Variants in ROBO1 observed in about 807,000 individuals in gnomAD.
The protein encoded by ROBO1 is roundabout homolog 1.
In ROBO1, 149 loss-of-function variants were observed where a neutral mutation model predicts 195.9. The observed-to-expected ratio is 0.76, with a 90% CI of 0.67 to 0.87. The LOEUF (loss-of-function observed/expected upper bound fraction) is 0.87. ROBO1 is among the 40% of genes least tolerant of loss of function. The pLI is 0.00. For synonymous variants in ROBO1, 816 were observed against 733.2 expected (o/e 1.11, Z -1.82); for missense variants, 1,933 against 2,068.3 (o/e 0.93, Z 1.27).
chr3:78,982,670 C>T (rs1324406165), intron 3 of ROBO1, among the ~76,000 whole-genome samples: 1 of 151,968 alleles, frequency 6.6e-6, no homozygotes, highest in Non-Finnish European at 1.5e-5. Context: ...ACTCTGTTGC[C>T]CAGGCTGGAG....
chr3:79,306,782 A>G (rs1014782761), intron 2 of ROBO1, among the ~76,000 whole-genome samples: 1 of 152,220 alleles, frequency 6.6e-6, no homozygotes, highest in African/African-American at 2.4e-5. Context: ...ACTAAAACCT[A>G]TTCAAGAGTA....
chr3:79,455,385 G>A (rs1241884073), intron 2 of ROBO1, among the ~76,000 whole-genome samples: 1 of 151,918 alleles, frequency 6.6e-6, no homozygotes, highest in South Asian at 2.1e-4. Flanking sequence ...CAAGAAATTT[G>A]CCTTTTTTTA....
chr3:78,678,759 G>A (rs1708599959), intron 10 of ROBO1, among the ~76,000 whole-genome samples: 1 of 152,164 alleles, frequency 6.6e-6, no homozygotes, highest in African/African-American at 2.4e-5. Flanking sequence ...AGGACGAACT[G>A]ATACCATTCC....
chr3:79,129,737 C>T (rs755108956), intron 2 of ROBO1, among the ~76,000 whole-genome samples: 48 of 151,994 alleles, frequency 3.2e-4, no homozygotes, highest in Non-Finnish European at 6.5e-4. Context: ...CCTTACACAC[C>T]CATCATTTCT....
intron 1 of ROBO1, among the ~76,000 whole-genome samples, chr3:79,728,907 A>G (rs1184129459): frequency 6.6e-6 from 1 of 152,188 alleles, no homozygotes; most frequent in Non-Finnish European, 1.5e-5. Context: ...CTATATAAAG[A>G]ATAACATGAA....
At chr3:79,198,436 T>A (rs1277940616) in intron 2 of ROBO1, among the ~76,000 whole-genome samples, 1 of 152,108 alleles carries the variant, frequency 6.6e-6, no homozygotes, top group Non-Finnish European at 1.5e-5. Flanking sequence ...TTTTGGTTAC[T>A]GTAGCCTTAT....
chr3:79,431,515 T>C lies in ROBO1; in HGVS notation c.88+158309A>G, dbSNP rs545852845. ...CCGGTTATCCCTGACTGCGATACCA[T>C]GGTAATGCAGACTTTTCAAAAGAGA... On this transcript the variant is annotated intron_variant, in intron 2 of 30. Transcript: ENST00000464233. Among the ~76,000 whole-genome samples the C allele has an allele frequency of 7.2e-5, 11 of 152,186 alleles. No individual in the cohort carries two copies. The South Asian group carries it at 2.1e-3, about 29-fold the overall frequency.
intron 4 of ROBO1, among the ~76,000 whole-genome samples, chr3:78,830,955 C>T (rs890887884): frequency 3.3e-5 from 5 of 152,024 alleles, no homozygotes; most frequent in African/African-American, 1.2e-4. Context: ...CTCTGTCACC[C>T]AGGCTGGAGT....
intron 2 of ROBO1, among the ~76,000 whole-genome samples, chr3:79,223,233 G>A (rs2082171659): frequency 6.6e-6 from 1 of 152,062 alleles, no homozygotes; most frequent in Non-Finnish European, 1.5e-5. Flanking sequence ...GAATACTAGA[G>A]GATCAGAGAA....
intron 7 of ROBO1, chr3:78,715,320 T>C (rs183203376): frequency 6.6e-6 from 1 of 152,282 alleles, no homozygotes; most frequent in East Asian, 1.9e-4. Flanking sequence ...CATTTACGTA[T>C]CTTCTTTCAC....
intron 5 of ROBO1, among the ~76,000 whole-genome samples, chr3:78,739,003 G>C (rs1450449252): frequency 6.6e-6 from 1 of 152,112 alleles, no homozygotes; most frequent in Non-Finnish European, 1.5e-5. Flanking sequence ...GCATGCTACT[G>C]TAAGGACAGT....
intron 3 of ROBO1, among the ~76,000 whole-genome samples, chr3:78,962,849 A>AAAAAC (rs1560055205): frequency 3.5e-4 from 53 of 149,542 alleles, no homozygotes; most frequent in African/African-American, 1.3e-3. Flanking sequence ...AAAAAAAAAA[A>AAAAAC]CTTTTCACAT....
At chr3:79,745,298 A>C (rs1703826744) in intron 1 of ROBO1, among the ~76,000 whole-genome samples, 1 of 152,248 alleles carries the variant, frequency 6.6e-6, no homozygotes, top group Non-Finnish European at 1.5e-5. Context: ...TAAAGATGTT[A>C]AAACACAAAG....
chr3:79,087,319 T>A (rs2079388800), intron 3 of ROBO1, among the ~76,000 whole-genome samples: 1 of 152,100 alleles, frequency 6.6e-6, no homozygotes, highest in Non-Finnish European at 1.5e-5. Context: ...TTAATATAAA[T>A]AGCACTGTTT....
chr3:79,233,941 C>T lies in ROBO1; in HGVS notation c.89-108402G>A, dbSNP rs181487949. ...TTTGAATTTCTCTGATGATTAGTGA[C>T]GTCCGGCATTTTTTTTTCATATGTT... is the stretch of plus-strand genomic sequence containing the variant. On this transcript the variant is annotated intron_variant, in intron 2 of 30. Transcript: ENST00000464233. Among the ~76,000 whole-genome samples, 77 of 151,926 alleles carry T rather than the reference C, an allele frequency of 5.1e-4. 1 individual carries two copies. Among genetic ancestry groups the T allele is most frequent in the African/African-American group, 1.4e-3 (58 of 41,482 alleles).
intron 1 of ROBO1, among the ~76,000 whole-genome samples, chr3:79,744,331 G>C (rs748799670): frequency 6.6e-6 from 1 of 152,148 alleles, no homozygotes; most frequent in African/African-American, 2.4e-5. Flanking sequence ...TAGTGTCTGC[G>C]TGAGGTACTG....
At chr3:79,326,118 G>C (rs923732009) in intron 2 of ROBO1, among the ~76,000 whole-genome samples, 8 of 152,024 alleles carry the variant, frequency 5.3e-5, no homozygotes, top group African/African-American at 1.9e-4. Context: ...TGGTCAGACC[G>C]GTTGCTCTCA....
intron 18 of ROBO1, among the ~76,000 whole-genome samples, chr3:78,655,469 C>T (rs1706947293): frequency 6.6e-6 from 1 of 152,138 alleles, no homozygotes; most frequent in Admixed American, 6.6e-5. Context: ...TCAGAAGCCC[C>T]ATGATAAAGA....
intron 4 of ROBO1, among the ~76,000 whole-genome samples, chr3:78,824,868 C>T (rs1211850160): frequency 1.3e-5 from 2 of 152,018 alleles, no homozygotes; most frequent in African/African-American, 4.8e-5. Context: ...ATTCCCTAAC[C>T]TGCCATTTTC....
Sources: allele counts gnomAD v4.1 joint callset (sites outside exome capture counted in the v4.1 genomes callset), GRCh38; gene constraint gnomAD v4.1.1; transcripts MANE v1.5; gene names NCBI Gene and HGNC (gene_info 2026-07-23, HGNC 2026-07-21).